PLEKHA6: variants seen among roughly 807,000 people sequenced by gnomAD.
PLEKHA6 encodes the protein pleckstrin homology domain containing A6, also known as pleckstrin homology domain-containing family A member 6.
Under a neutral mutation model 116.7 loss-of-function variants are expected in PLEKHA6, and 60 were observed. That is an observed-to-expected ratio of 0.51 (90% CI 0.42 to 0.64). The LOEUF is 0.64. Among genes scored for constraint, PLEKHA6 ranks in the 30% least tolerant of loss-of-function variants. The pLI, the probability that PLEKHA6 is intolerant of heterozygous loss-of-function variation, is 0.00. For synonymous variants in PLEKHA6, 489 were observed against 556.1 expected, an observed-to-expected ratio of 0.88 and a Z score of 1.70; for missense variants, 1,338 against 1,422.7, an observed-to-expected ratio of 0.94 and a Z score of 0.96.
At chr1:204,295,723 A>AT (rs991395917) in intron 1 of PLEKHA6, among the ~76,000 whole-genome samples, 91 of 152,058 alleles carry the variant, frequency 6.0e-4, no homozygotes, top group African/African-American at 2.1e-3. Flanking sequence ...CCCTCACCCC[A>AT]TTTTAGAGGC....
Position 204,274,691 on chromosome 1 carries a change from G to A in PLEKHA6, c.-14+38C>T, listed in dbSNP as rs376367175. ...AGGCAGTGGGATGGTAGTGGTTAAG[G>A]GCAGAAAGCCCAAACAGCAAGTAGG... On this transcript the variant is annotated intron_variant, in intron 2 of 22. Transcript: ENST00000272203. The A allele has an allele frequency of 1.3e-5, 13 of 985,814 alleles. No individual in the cohort carries two copies. The African/African-American group carries it at 2.1e-4, about 16-fold the overall frequency. 61.1% of individuals were successfully genotyped at this position (985,814 alleles called of 1,614,324 possible).
chr1:204,347,690 T>G (rs1673114633), intron 1 of PLEKHA6, among the ~76,000 whole-genome samples: 1 of 152,110 alleles, frequency 6.6e-6, no homozygotes, highest in Non-Finnish European at 1.5e-5. Context: ...AACTAATAAA[T>G]GTCCATGAAA....
At chr1:204,339,458 T>C (rs929330244) in intron 1 of PLEKHA6, among the ~76,000 whole-genome samples, 8 of 152,196 alleles carry the variant, frequency 5.3e-5, no homozygotes, top group African/African-American at 1.9e-4. Flanking sequence ...GCAAGGATCA[T>C]ACTCAAAATG....
At chr1:204,250,267 C>T (rs1400243517) in intron 10 of PLEKHA6, among the ~76,000 whole-genome samples, 4 of 152,192 alleles carry the variant, frequency 2.6e-5, no homozygotes, top group Admixed American at 1.3e-4. Context: ...GTAGGCAAAA[C>T]GGCCCAGCGC....
intron 1 of PLEKHA6, among the ~76,000 whole-genome samples, chr1:204,341,354 G>A (rs1197301387): frequency 6.6e-6 from 1 of 152,166 alleles, no homozygotes; most frequent in East Asian, 1.9e-4. Flanking sequence ...AAAGGGTAGG[G>A]GCCCAGGAAC....
chr1:204,327,025 T>G (rs1345874630), intron 1 of PLEKHA6: 5 of 985,030 alleles, frequency 5.1e-6, no homozygotes, highest in African/African-American at 3.5e-5. Context: ...AGCAGCTACT[T>G]GGGTTTCAGC....
rs138886832 is a variant in PLEKHA6 at position 204,303,771 on chromosome 1, A to C, written c.-94-28962T>G. Reference sequence around the variant, plus strand: ...CTCTATTGCCCAGGCTGGAGTACAGAGGCGCAATCACGGCTAACTGCAACC... The same window carrying C: ...CTCTATTGCCCAGGCTGGAGTACAGCGGCGCAATCACGGCTAACTGCAACC... On this transcript the variant is annotated intron_variant, in intron 1 of 22. Coordinates refer to ENST00000272203, the MANE Select transcript of PLEKHA6 (RefSeq NM_014935.5). 9.8e-3 allele frequency among the ~76,000 whole-genome samples: 1,488 copies of C among 152,222 alleles called. 13 individuals carry two copies. The highest frequency in any genetic ancestry group is 0.017 in the Middle Eastern group (5 of 294).
intron 1 of PLEKHA6, among the ~76,000 whole-genome samples, chr1:204,376,609 G>A (rs1173460715): frequency 2.6e-5 from 4 of 152,184 alleles, no homozygotes; most frequent in Non-Finnish European, 4.4e-5. Context: ...TTTGGTACCT[G>A]GGGAAGCAGT....
Position 204,228,115 on chromosome 1 carries a change from GTC to G in PLEKHA6, c.2997_2998del (p.Thr1000ArgfsTer35). ...CATGCGGCCCCTGCGGGAGGCCTCGGTCGCCAGGGCGCAGGAGATTTCAATCC... is the reference window on the plus strand; with the variant it reads ...CATGCGGCCCCTGCGGGAGGCCTCGGGCCAGGGCGCAGGAGATTTCAATCC... On this transcript the variant is annotated frameshift_variant, in exon 21 of 23. Transcript: ENST00000272203. LOFTEE classifies it high-confidence loss of function. This position sits in a 1 kb window ranked among gnomAD's most constrained non-coding sequence, Gnocchi z 4.0. The G allele has an allele frequency of 6.2e-7, 1 of 1,612,788 alleles. No homozygotes were observed. Among genetic ancestry groups the G allele is most frequent in the Non-Finnish European group, 8.5e-7 (1 of 1,179,296 alleles).
chr1:204,331,972 C>T (rs889446815), intron 1 of PLEKHA6, among the ~76,000 whole-genome samples: 4 of 152,054 alleles, frequency 2.6e-5, no homozygotes, highest in African/African-American at 2.4e-5. Flanking sequence ...GTGCAGGAGC[C>T]GGGGTGCAAA....
At position 204,298,712 on chromosome 1, in the gene PLEKHA6, G is replaced by A. The variant is rs1670530508; in HGVS notation, c.-94-23903C>T. 3.3e-5 allele frequency among the ~76,000 whole-genome samples: 5 copies of A among 152,286 alleles called. No homozygotes were observed. In the South Asian group the frequency reaches 1.0e-3, roughly 32 times the overall value. ...TTTCTAGAAACTGGCCCCATCCCTA[G>A]ATCCATGGTTAAGGAAATAACCATG... On this transcript the variant is annotated intron_variant, in intron 1 of 22. Coordinates refer to ENST00000272203, the MANE Select transcript of PLEKHA6 (RefSeq NM_014935.5).
intron 1 of PLEKHA6, chr1:204,325,859 G>A (rs1672223513): frequency 6.2e-6 from 6 of 973,028 alleles, no homozygotes; most frequent in Non-Finnish European, 6.1e-6. Flanking sequence ...ACAAGGGGTG[G>A]AAGGGCAGCA....
At chr1:204,280,193 A>G (rs974269541) in intron 1 of PLEKHA6, 14 of 501,420 alleles carry the variant, frequency 2.8e-5, no homozygotes, top group African/African-American at 1.9e-4. Context: ...GACATCCTCA[A>G]CCCCTACAGT....
intron 12 of PLEKHA6, among the ~76,000 whole-genome samples, chr1:204,247,953 T>TAAAA (rs10667581): frequency 2.0e-5 from 3 of 148,460 alleles, no homozygotes; most frequent in African/African-American, 2.5e-5. Flanking sequence ...ACCCTGTTCT[T>TAAAA]AAAAAAAAAA....
At chr1:204,225,269 AT>A (rs1157655284) in intron 21 of PLEKHA6, among the ~76,000 whole-genome samples, 12 of 152,354 alleles carry the variant, frequency 7.9e-5, no homozygotes, top group African/African-American at 2.9e-4. Context: ...AAATAAAGAT[AT>A]TTATAATGAT....
chr1:204,300,872 G>A (rs1670746075), intron 1 of PLEKHA6, among the ~76,000 whole-genome samples: 1 of 152,168 alleles, frequency 6.6e-6, no homozygotes, highest in Admixed American at 6.5e-5. Flanking sequence ...GCAATACAGA[G>A]CCGCAATGCT....
At chr1:204,354,879 C>T (rs1168174191) in intron 1 of PLEKHA6, among the ~76,000 whole-genome samples, 3 of 152,202 alleles carry the variant, frequency 2.0e-5, no homozygotes, top group African/African-American at 4.8e-5. Context: ...CGTGCAGGGG[C>T]GCGGACAGGG....
chr1:204,377,929 C>T (rs1673901236), upstream of PLEKHA6: 1 of 152,382 alleles, frequency 6.6e-6, no homozygotes. Context: ...CACCACCTGC[C>T]TCCTCGTCGA....
chr1:204,256,696 G>T (rs1233643084), intron 9 of PLEKHA6: 1 of 431,136 alleles, frequency 2.3e-6, no homozygotes, highest in East Asian at 3.5e-5. Flanking sequence ...GCCAGGCCAG[G>T]CACTAGGCAC....
Sources: allele counts gnomAD v4.1 joint callset (sites outside exome capture counted in the v4.1 genomes callset), GRCh38; gene constraint gnomAD v4.1.1; non-coding constraint Gnocchi (gnomAD v3.1); transcripts MANE v1.5; gene names NCBI Gene and HGNC (gene_info 2026-07-23, HGNC 2026-07-21).